Variants in NRXN1 observed in about 807,000 individuals in gnomAD.
NRXN1 encodes the protein neurexin 1.
Under a neutral mutation model 150.9 loss-of-function variants are expected in NRXN1, and 39 were observed. That is an observed-to-expected ratio of 0.26 (90% CI 0.20 to 0.34). The LOEUF (loss-of-function observed/expected upper bound fraction) is 0.34, where lower values mean the gene tolerates loss of function less well. Ranked by LOEUF, NRXN1 falls within the 10% of genes least tolerant of loss-of-function variation. The pLI is 1.00. For synonymous variants in NRXN1, 924 were observed against 757.0 expected, an observed-to-expected ratio of 1.22 and a Z score of -3.62; for missense variants, 1,815 against 1,949.9, an observed-to-expected ratio of 0.93 and a Z score of 1.30.
chr2:50,132,807 C>T (rs1365619776), intron 18 of NRXN1, among the ~76,000 whole-genome samples: 1 of 150,948 alleles, frequency 6.6e-6, no homozygotes, highest in African/African-American at 2.4e-5. Context: ...AGAGAATAGT[C>T]CAGTTAGGAA....
At chr2:50,746,060 T>G (rs753016484) in intron 5 of NRXN1, among the ~76,000 whole-genome samples, 2 of 152,164 alleles carry the variant, frequency 1.3e-5, no homozygotes, top group African/African-American at 2.4e-5. Context: ...AAGCTCCATT[T>G]CAATTTCTGA....
At chr2:49,968,158 T>TA (rs1211262431) in intron 21 of NRXN1, among the ~76,000 whole-genome samples, 2 of 150,844 alleles carry the variant, frequency 1.3e-5, no homozygotes, top group Non-Finnish European at 3.0e-5. Flanking sequence ...AAAAGAAAAT[T>TA]AAGAGCTGGC....
chr2:50,361,121 C>A (rs148153942), intron 17 of NRXN1, among the ~76,000 whole-genome samples: 1,570 of 152,154 alleles, frequency 0.01, 32 homozygotes, highest in African/African-American at 0.037. Context: ...GCAGTGTTTA[C>A]AGGGAAATTT....
chr2:50,927,772 G>A lies in NRXN1; in HGVS notation c.773-1817C>T, dbSNP rs141864431. Among the ~76,000 whole-genome samples the A allele has an allele frequency of 1.3e-3, 192 of 152,070 alleles. 2 individuals carry two copies. Among genetic ancestry groups the A allele is most frequent in the African/African-American group, 4.5e-3 (187 of 41,536 alleles). The stretch of plus-strand genomic sequence containing the variant: ...GGAGAGTCATGTGCCAAGACAGTAT[G>A]TCAATTGCTACAGCATTATTTAATT... On this transcript the variant is annotated intron_variant, in intron 2 of 22. Coordinates refer to ENST00000401669, the MANE Select transcript of NRXN1 (RefSeq NM_001330078.2).
At chr2:49,943,207 A>G (rs374874477) in intron 22 of NRXN1, among the ~76,000 whole-genome samples, 14 of 152,320 alleles carry the variant, frequency 9.2e-5, no homozygotes, top group Admixed American at 7.2e-4. Flanking sequence ...AAAGATATCA[A>G]CGAGTCTACC....
intron 17 of NRXN1, among the ~76,000 whole-genome samples, chr2:50,316,496 A>C (rs1021325899): frequency 6.6e-6 from 1 of 152,114 alleles, no homozygotes; most frequent in African/African-American, 2.4e-5. Flanking sequence ...CATTTGCACA[A>C]TAAGAATCAC....
At chr2:49,977,737 A>G (rs1679236409) in intron 21 of NRXN1, among the ~76,000 whole-genome samples, 1 of 152,186 alleles carries the variant, frequency 6.6e-6, no homozygotes, top group Non-Finnish European at 1.5e-5. Flanking sequence ...AATTTGTTCA[A>G]ATGCTGTGAT....
At chr2:50,215,258 A>G (rs1458049965) in intron 18 of NRXN1, among the ~76,000 whole-genome samples, 2 of 152,012 alleles carry the variant, frequency 1.3e-5, no homozygotes, top group Non-Finnish European at 2.9e-5. Context: ...AAAGGTTATT[A>G]TAAGGCTCTG....
chr2:50,693,919 G>A (rs753835935), intron 5 of NRXN1, among the ~76,000 whole-genome samples: 23 of 152,164 alleles, frequency 1.5e-4, no homozygotes, highest in Non-Finnish European at 2.6e-4. Context: ...AGCCTCCTGA[G>A]TATCTGGAAC....
At chr2:50,673,618 G>A (rs954196895) in intron 5 of NRXN1, among the ~76,000 whole-genome samples, 2 of 151,950 alleles carry the variant, frequency 1.3e-5, no homozygotes, top group African/African-American at 4.8e-5. Flanking sequence ...GCTTTATTTT[G>A]TTTTATTTTG....
intron 17 of NRXN1, among the ~76,000 whole-genome samples, chr2:50,280,850 G>T (rs1432789519): frequency 3.3e-5 from 5 of 151,992 alleles, no homozygotes; most frequent in Non-Finnish European, 5.9e-5. Context: ...GTTTTTGTTT[G>T]GTTTGGTTGT....
chr2:50,987,003 A>T (rs1054065016), intron 2 of NRXN1, among the ~76,000 whole-genome samples: 1 of 151,872 alleles, frequency 6.6e-6, no homozygotes, highest in African/African-American at 2.4e-5. Context: ...TTCACAATAC[A>T]TTTCTATATG....
chr2:50,970,698 C>G (rs1694858830), intron 2 of NRXN1, among the ~76,000 whole-genome samples: 1 of 152,024 alleles, frequency 6.6e-6, no homozygotes, highest in African/African-American at 2.4e-5. Context: ...ACTACTCTTA[C>G]AGATTTTGAA....
chr2:50,118,197 C>G (rs1183409027), intron 18 of NRXN1, among the ~76,000 whole-genome samples: 1 of 152,142 alleles, frequency 6.6e-6, no homozygotes. Flanking sequence ...CAATGTAAAA[C>G]AGCTTGCATG....
chr2:50,391,637 G>C (rs1039340986), intron 17 of NRXN1, among the ~76,000 whole-genome samples: 1 of 152,076 alleles, frequency 6.6e-6, no homozygotes, highest in African/African-American at 2.4e-5. Flanking sequence ...TCCTATTCTT[G>C]TTTATTTAAG....
chr2:50,120,320 G>A (rs566023119), intron 18 of NRXN1, among the ~76,000 whole-genome samples: 1 of 151,926 alleles, frequency 6.6e-6, no homozygotes, highest in East Asian at 1.9e-4. Context: ...AAATACATAC[G>A]TATGCACACA....
At chr2:50,001,753 G>A (rs962751406) in intron 21 of NRXN1, among the ~76,000 whole-genome samples, 2 of 152,160 alleles carry the variant, frequency 1.3e-5, no homozygotes, top group African/African-American at 4.8e-5. Context: ...ACATACTGTT[G>A]TAAACAGACC....
At chr2:50,669,073 G>A (rs1034348695) in intron 5 of NRXN1, among the ~76,000 whole-genome samples, 1 of 151,840 alleles carries the variant, frequency 6.6e-6, no homozygotes, top group Non-Finnish European at 1.5e-5. Flanking sequence ...GGGGAGGAGT[G>A]GTGGCCATCA....
intron 17 of NRXN1, among the ~76,000 whole-genome samples, chr2:50,249,318 A>G (rs1211210621): frequency 1.3e-5 from 2 of 152,092 alleles, no homozygotes; most frequent in Admixed American, 1.3e-4. Flanking sequence ...AAGTTTAAAA[A>G]CCAGATGGCT....
Sources: allele counts gnomAD v4.1 joint callset (sites outside exome capture counted in the v4.1 genomes callset), GRCh38; gene constraint gnomAD v4.1.1; transcripts MANE v1.5; gene names NCBI Gene and HGNC (gene_info 2026-07-23, HGNC 2026-07-21).